DYM: variants seen among roughly 807,000 people sequenced by gnomAD.
DYM encodes the protein dyggve-Melchior-Clausen syndrome protein.
Under a neutral mutation model 93.1 loss-of-function variants are expected in DYM, and 78 were observed. The observed-to-expected ratio is 0.84, with a 90% CI of 0.70 to 1.01. The LOEUF (loss-of-function observed/expected upper bound fraction) is 1.01, where lower values mean the gene tolerates loss of function less well. DYM is among the 50% of genes least tolerant of loss of function. The pLI, the probability that DYM is intolerant of heterozygous loss-of-function variation, is 0.00. For missense variants in DYM, 789 were observed against 845.0 expected (o/e 0.93, Z 0.82); for synonymous variants, 321 against 319.7 (o/e 1.00, Z -0.04).
At chr18:49,444,128 G>A (rs991411006) in intron 1 of DYM, among the ~76,000 whole-genome samples, 2 of 152,166 alleles carry the variant, frequency 1.3e-5, no homozygotes, top group Admixed American at 1.3e-4. Flanking sequence ...AAAGCTTATG[G>A]CTATTAATCA....
At chr18:49,406,641 G>A (rs1231281561) in intron 2 of DYM, among the ~76,000 whole-genome samples, 1 of 152,096 alleles carries the variant, frequency 6.6e-6, no homozygotes, top group African/African-American at 2.4e-5. Flanking sequence ...ATCACCAGGA[G>A]GCAACACTAA....
At chr18:49,402,686 G>T (rs887209423) in intron 2 of DYM, among the ~76,000 whole-genome samples, 1 of 152,086 alleles carries the variant, frequency 6.6e-6, no homozygotes, top group South Asian at 2.1e-4. Flanking sequence ...AATATGGAAC[G>T]TCTCTGCACC....
chr18:49,069,992 G>C (rs541666696), intron 17 of DYM, among the ~76,000 whole-genome samples: 1 of 152,366 alleles, frequency 6.6e-6, no homozygotes, highest in African/African-American at 2.4e-5. Flanking sequence ...GGTGAGCCAA[G>C]ATCGCGCCAC....
chr18:49,391,277 T>G (rs2069222165), intron 3 of DYM: 1 of 311,314 alleles, frequency 3.2e-6, no homozygotes, highest in Admixed American at 4.1e-5. Flanking sequence ...ATTGTTCTGG[T>G]GAACATAGTC....
In DYM at chr18:49,445,801, C is replaced by T. The variant is rs1252936305; in HGVS notation, c.-54+14597G>A. Among the ~76,000 whole-genome samples the T allele has an allele frequency of 4.6e-5, 7 of 152,004 alleles. No homozygotes were observed. In the East Asian group the frequency reaches 1.4e-3, roughly 29 times the overall value. On this transcript the variant is annotated intron_variant, in intron 1 of 17. Coordinates refer to ENST00000675505, the MANE Select transcript of DYM (RefSeq NM_001353214.3). Reference sequence around the variant, plus strand: ...TTCTTAGGCACTAAATCCCACAGGCCGTTCAAAGTATTTGGTAAAAATTAA... The same window carrying T: ...TTCTTAGGCACTAAATCCCACAGGCTGTTCAAAGTATTTGGTAAAAATTAA...
At chr18:49,102,213 C>T (rs11082729) in intron 16 of DYM, among the ~76,000 whole-genome samples, 23,619 of 152,164 alleles carry the variant, frequency 0.16, 2,115 homozygotes, top group East Asian at 0.38. Context: ...ACTTACCATG[C>T]GCAAAGCACT....
At chr18:49,376,978 G>C (rs964923465) in intron 5 of DYM, among the ~76,000 whole-genome samples, 3 of 152,212 alleles carry the variant, frequency 2.0e-5, no homozygotes, top group African/African-American at 7.2e-5. Flanking sequence ...TTGCTCAACA[G>C]TATGTGTAGA....
intron 2 of DYM, among the ~76,000 whole-genome samples, chr18:49,428,777 G>A (rs1363907925): frequency 2.6e-5 from 4 of 152,036 alleles, no homozygotes; most frequent in African/African-American, 9.7e-5. Context: ...TTCCTTTCTG[G>A]GATGATAATG....
intron 2 of DYM, among the ~76,000 whole-genome samples, chr18:49,409,594 GATGTCAATTAGTT>G (rs2071968481): frequency 6.6e-6 from 1 of 152,148 alleles, no homozygotes; most frequent in Non-Finnish European, 1.5e-5. Flanking sequence ...ACCACTGTTG[GATGTCAATTAGTT>G]TTCCCATCCT....
chr18:49,280,062 G>C (rs552086), intron 10 of DYM, among the ~76,000 whole-genome samples: 82,533 of 152,008 alleles, frequency 0.54, 23,979 homozygotes, highest in Non-Finnish European at 0.65. Flanking sequence ...TGGCTATTTC[G>C]GGAATGTTCA....
chr18:49,430,214 G>A, intron 2 of DYM, 41 bp downstream of exon 2: 1 of 1,586,846 alleles, frequency 6.3e-7, no homozygotes. Context: ...AAGTTGATAT[G>A]GCCCTCTATT....
intron 2 of DYM, among the ~76,000 whole-genome samples, chr18:49,407,713 C>T (rs1401260730): frequency 2.0e-5 from 3 of 152,170 alleles, no homozygotes; most frequent in Non-Finnish European, 4.4e-5. Flanking sequence ...TTGGAGGTCA[C>T]ATTTCAACAT....
At position 49,247,229 on chromosome 18, in the gene DYM, G is replaced by A. The variant is rs144318010; in HGVS notation, c.1460+9781C>T. On this transcript the variant is annotated intron_variant, in intron 13 of 17. Transcript: ENST00000675505. ...CCCACTGCACTTACAGGTGTCACCT[G>A]GCCCTTGTCATGTTGCCCTGTGGGT... Among the ~76,000 whole-genome samples, 345 of 152,292 alleles carry A rather than the reference G, an allele frequency of 2.3e-3. 1 individual carries two copies. Among genetic ancestry groups the A allele is most frequent in the Non-Finnish European group, 3.7e-3 (254 of 68,020 alleles).
At chr18:49,100,379 G>A (rs1371920677) in intron 16 of DYM, among the ~76,000 whole-genome samples, 2 of 151,998 alleles carry the variant, frequency 1.3e-5, no homozygotes, top group African/African-American at 4.8e-5. Context: ...AAAAGGGAGT[G>A]TACTTATGTG....
chr18:49,099,282 C>A, intron 16 of DYM, among the ~76,000 whole-genome samples: 1 of 151,940 alleles, frequency 6.6e-6, no homozygotes, highest in Middle Eastern at 3.4e-3. Flanking sequence ...GTAGATCATA[C>A]AGACAAGGAG....
rs760875667 is a variant in DYM, at chr18:49,272,250, A to G, written c.1179T>C (p.His393=). ...ACAATATTATAAGGGCCATATACAC[A>G]TGGTGTGAATTCCTTTCTTCAACAT... The part of the protein sequence containing the change: ...LYHVEERNSH[H]VYMALIILLI... The change falls in exon 11 of 18, where the codon CAT becomes CAC. Residue 393 remains histidine (H), a synonymous_variant. Coordinates refer to ENST00000675505, the MANE Select transcript of DYM (RefSeq NM_001353214.3). 1.3e-6 allele frequency: 2 copies of G among 1,592,734 alleles called. No individual in the cohort carries two copies. Among genetic ancestry groups the G allele is most frequent in the African/African-American group, 1.3e-5 (1 of 74,636 alleles).
chr18:49,290,694 G>C (rs1444866475), intron 8 of DYM, among the ~76,000 whole-genome samples: 1 of 151,908 alleles, frequency 6.6e-6, no homozygotes, highest in Non-Finnish European at 1.5e-5. Flanking sequence ...TTTGTTTTAA[G>C]AACTTGCAAA....
At chr18:49,350,637 C>T (rs534892499) in intron 6 of DYM, among the ~76,000 whole-genome samples, 11 of 146,738 alleles carry the variant, frequency 7.5e-5, no homozygotes, top group South Asian at 6.5e-4. Flanking sequence ...ACCTGGGAGG[C>T]GGAGGTTGCA....
intron 17 of DYM, among the ~76,000 whole-genome samples, chr18:49,054,193 G>C (rs2075275245): frequency 6.6e-6 from 1 of 152,230 alleles, no homozygotes; most frequent in South Asian, 2.1e-4. Context: ...CATCAGCAAT[G>C]AATGTGGAAA....
Sources: allele counts gnomAD v4.1 joint callset (sites outside exome capture counted in the v4.1 genomes callset), GRCh38; gene constraint gnomAD v4.1.1; transcripts MANE v1.5; gene names NCBI Gene and HGNC (gene_info 2026-07-23, HGNC 2026-07-21).